The following MAD1L1 variants were observed in gnomAD, a reference collection of about 807,000 sequenced individuals.
MAD1L1 encodes the protein mitotic spindle assembly checkpoint protein MAD1.
In MAD1L1, 95 loss-of-function variants were observed where a neutral mutation model predicts 96.9. The ratio of observed to expected loss-of-function variants is 0.98; its 90% CI spans 0.83 to 1.16. The LOEUF is 1.16. Among genes scored for constraint, MAD1L1 ranks in the 50% most tolerant of loss-of-function variants. MAD1L1 has a pLI of 0.00. For missense variants in MAD1L1, 1,007 were observed against 954.4 expected (o/e 1.06, Z -0.73); for synonymous variants, 473 against 396.6 (o/e 1.19, Z -2.29).
At chr7:2,002,898 C>T (rs963115181) in intron 13 of MAD1L1, among the ~76,000 whole-genome samples, 3 of 152,230 alleles carry the variant, frequency 2.0e-5, no homozygotes, top group Non-Finnish European at 4.4e-5. Context: ...TTCCTACCTT[C>T]CCCCACATCC....
chr7:2,047,677 T>C (rs1783985141), intron 12 of MAD1L1, among the ~76,000 whole-genome samples: 1 of 152,208 alleles, frequency 6.6e-6, no homozygotes, highest in Non-Finnish European at 1.5e-5. Context: ...CACACACATG[T>C]GCGCACACAG....
intron 12 of MAD1L1, among the ~76,000 whole-genome samples, chr7:2,052,064 C>G (rs1398952027): frequency 6.6e-6 from 1 of 152,116 alleles, no homozygotes; most frequent in Non-Finnish European, 1.5e-5. Context: ...ACCTGTGCAC[C>G]CCCTGCATTC....
At chr7:2,015,126 C>T (rs1022477376) in intron 12 of MAD1L1, among the ~76,000 whole-genome samples, 3 of 152,192 alleles carry the variant, frequency 2.0e-5, no homozygotes, top group Admixed American at 6.5e-5. Flanking sequence ...TGGGTGAGTC[C>T]CCCTCTTCCT....
chr7:2,137,562 G>A (rs751409819), intron 11 of MAD1L1, among the ~76,000 whole-genome samples: 1 of 152,164 alleles, frequency 6.6e-6, no homozygotes, highest in Non-Finnish European at 1.5e-5. Flanking sequence ...CCAGGTGAGT[G>A]AGGGGCCCAG....
intron 10 of MAD1L1, among the ~76,000 whole-genome samples, chr7:2,180,577 T>A (rs947559136): frequency 6.6e-6 from 1 of 152,206 alleles, no homozygotes; most frequent in Non-Finnish European, 1.5e-5. Flanking sequence ...AGTGCAACTG[T>A]CAAGGAAACT....
At chr7:2,084,206 C>T (rs1041068433) in intron 11 of MAD1L1, among the ~76,000 whole-genome samples, 1 of 152,230 alleles carries the variant, frequency 6.6e-6, no homozygotes, top group East Asian at 1.9e-4. Context: ...GAAGTTTCTG[C>T]GTATGTGTAG....
At chr7:1,983,129 C>A (rs1780988337) in intron 14 of MAD1L1, among the ~76,000 whole-genome samples, 1 of 86,522 alleles carries the variant, frequency 1.2e-5, no homozygotes, top group African/African-American at 3.8e-5. Context: ...CACACACCCA[C>A]AGACGCGCGC....
chr7:2,062,273 A>C (rs1258265119), intron 12 of MAD1L1, among the ~76,000 whole-genome samples: 2 of 144,846 alleles, frequency 1.4e-5, no homozygotes, highest in Admixed American at 1.4e-4. Context: ...AAAAAAAAAA[A>C]AAACAGGGAA....
intron 15 of MAD1L1, among the ~76,000 whole-genome samples, chr7:1,964,289 T>C (rs1780069423): frequency 6.6e-6 from 1 of 152,150 alleles, no homozygotes; most frequent in Non-Finnish European, 1.5e-5. Flanking sequence ...TAAAATGATA[T>C]TATGGATTCT....
intron 15 of MAD1L1, among the ~76,000 whole-genome samples, chr7:1,975,994 T>C (rs1272172924): frequency 6.6e-6 from 1 of 152,152 alleles, no homozygotes; most frequent in African/African-American, 2.4e-5. Flanking sequence ...GGGCTCAGAT[T>C]TGTTCTGGCT....
intron 10 of MAD1L1, among the ~76,000 whole-genome samples, chr7:2,172,441 C>T (rs1370276111): frequency 2.6e-5 from 4 of 152,214 alleles, no homozygotes; most frequent in Admixed American, 6.5e-5. Flanking sequence ...GTCACGGTGC[C>T]GCTGCGAAAG....
At chr7:2,159,002 G>A (rs559573471) in intron 10 of MAD1L1, among the ~76,000 whole-genome samples, 6 of 151,946 alleles carry the variant, frequency 3.9e-5, no homozygotes, top group South Asian at 2.1e-4. Flanking sequence ...GGGCCGCTCC[G>A]TGACACCCTG....
intron 18 of MAD1L1, among the ~76,000 whole-genome samples, chr7:1,832,630 T>TTTGGGGGGGGGGG (rs56664541): frequency 2.1e-3 from 5 of 2,350 alleles, no homozygotes; most frequent in Non-Finnish European, 4.1e-3. Flanking sequence ...TTTTTTTTTT[T>TTTGGGGGGGGGGG]GGCGGGGGGG....
In MAD1L1 at chr7:2,116,467, C is replaced by T. The variant is rs551078991; in HGVS notation, c.1073+32685G>A. Among the ~76,000 whole-genome samples the T allele has an allele frequency of 2.6e-3, 392 of 149,192 alleles. 2 individuals carry two copies. The highest frequency in any genetic ancestry group is 8.7e-3 in the African/African-American group (351 of 40,406). On this transcript the variant is annotated intron_variant, in intron 11 of 18. Transcript: ENST00000265854. ...GGAGCCCCCAGAGAGCCAGCGCAGA[C>T]GATGAATGCCAGGGCAGGGAAACCG... is the stretch of plus-strand genomic sequence containing the variant.
intron 17 of MAD1L1, among the ~76,000 whole-genome samples, chr7:1,899,292 T>TA (rs1787096016): frequency 6.6e-6 from 1 of 152,348 alleles, no homozygotes; most frequent in African/African-American, 2.4e-5. Flanking sequence ...TGGCTCCACT[T>TA]AGACGCACAC....
At chr7:2,170,481 G>T (rs1030939662) in intron 10 of MAD1L1, among the ~76,000 whole-genome samples, 1 of 152,192 alleles carries the variant, frequency 6.6e-6, no homozygotes, top group South Asian at 2.1e-4. Flanking sequence ...CTGAGGCGAG[G>T]GTGACAGAGA....
intron 12 of MAD1L1, among the ~76,000 whole-genome samples, chr7:2,037,207 CT>C (rs11332091): frequency 0.19 from 25,694 of 133,040 alleles, 4,097 homozygotes; most frequent in African/African-American, 0.45. Flanking sequence ...ATAGACTCTT[CT>C]TTTTTTTTTT....
intron 12 of MAD1L1, among the ~76,000 whole-genome samples, chr7:2,051,428 G>C (rs1210612434): frequency 6.6e-6 from 1 of 152,216 alleles, no homozygotes; most frequent in Non-Finnish European, 1.5e-5. Flanking sequence ...AGGGGCTCCT[G>C]GGATCTGGAT....
intron 12 of MAD1L1, among the ~76,000 whole-genome samples, chr7:2,024,978 T>C (rs193185746): frequency 6.9e-4 from 105 of 152,332 alleles, no homozygotes; most frequent in African/African-American, 2.2e-3. Flanking sequence ...TATGAACTTA[T>C]CAAAATCCAT....
Sources: allele counts gnomAD v4.1 joint callset (sites outside exome capture counted in the v4.1 genomes callset), GRCh38; gene constraint gnomAD v4.1.1; transcripts MANE v1.5; gene names NCBI Gene and HGNC (gene_info 2026-07-23, HGNC 2026-07-21).